HMGB3: variants seen among roughly 807,000 people sequenced by gnomAD.
HMGB3 encodes high mobility group protein B3.
Under a neutral mutation model 12.9 loss-of-function variants are expected in HMGB3, and 1 was observed. The observed-to-expected ratio is 0.08, with a 90% CI of 0.03 to 0.37. HMGB3 has a LOEUF of 0.37. Among genes scored for constraint, HMGB3 ranks in the 10% least tolerant of loss-of-function variants. The pLI is 0.99. For synonymous variants in HMGB3, 61 were observed against 53.9 expected, an observed-to-expected ratio of 1.13 and a Z score of -0.57; for missense variants, 74 against 153.3, an observed-to-expected ratio of 0.48 and a Z score of 2.73.
chrX:150,983,289 C>T, upstream of HMGB3: 6 of 755,290 alleles, frequency 7.9e-6, no homozygotes, highest in Non-Finnish European at 9.4e-6. Flanking sequence ...GCCAATCAGG[C>T]GGCTCTCGTG....
chrX:150,983,055 G>C (rs1297263062), upstream of HMGB3, among the ~76,000 whole-genome samples: 4 of 112,680 alleles, frequency 3.5e-5, no homozygotes, highest in Admixed American at 9.3e-5. Flanking sequence ...AGCCCTTGGC[G>C]ATCCCAGTTC....
chrX:150,984,587 G>A, intron 1 of HMGB3: 1 of 748,859 alleles, frequency 1.3e-6, no homozygotes, highest in Non-Finnish European at 1.6e-6. Flanking sequence ...GATTTCAGGG[G>A]CACTTTCTTT....
rs1348089381 is a variant in HMGB3, at chrX:150,989,615, C to T, written c.*1701C>T. 2 of 111,078 alleles carry T rather than the reference C, an allele frequency of 1.8e-5. No individual in the cohort carries two copies. Among genetic ancestry groups the T allele is most frequent in the African/African-American group, 6.6e-5 (2 of 30,463 alleles). 9.2% of individuals were successfully genotyped at this position (111,078 alleles called of 1,213,427 possible). The stretch of plus-strand genomic sequence containing the variant: ...CAGTAGCAAGTGGTGACACTAAATA[C>T]CATTTTGAAGGCTGATGTGTATATA... On this transcript the variant is annotated 3_prime_UTR_variant, in exon 5 of 5. Coordinates refer to ENST00000325307, the MANE Select transcript of HMGB3 (RefSeq NM_005342.4).
intron 1 of HMGB3, among the ~76,000 whole-genome samples, chrX:150,985,127 G>T (rs1462401546): frequency 9.0e-6 from 1 of 111,467 alleles, no homozygotes. Flanking sequence ...TCCTGCTTTG[G>T]TCTTGTGTTC....
intron 4 of HMGB3, among the ~76,000 whole-genome samples, 155 bp downstream of exon 4, chrX:150,987,457 C>G (rs2048064843): frequency 1.8e-5 from 2 of 110,545 alleles, no homozygotes; most frequent in Non-Finnish European, 3.8e-5. Flanking sequence ...GGTGTTCATG[C>G]TTTTTTTTGA....
chrX:150,983,299 G>C (rs1183229148), upstream of HMGB3: 1 of 754,135 alleles, frequency 1.3e-6, no homozygotes, highest in Non-Finnish European at 1.6e-6. Flanking sequence ...CGGCTCTCGT[G>C]GAGGCAGCTA....
intron 1 of HMGB3, among the ~76,000 whole-genome samples, chrX:150,984,302 C>T (rs1197544021): frequency 5.4e-5 from 5 of 92,470 alleles, no homozygotes; most frequent in Non-Finnish European, 8.9e-5. Flanking sequence ...CGGCCCGGGC[C>T]CCCGAGCCCC....
At chrX:150,986,478 C>G (rs2048052977) in intron 3 of HMGB3, among the ~76,000 whole-genome samples, 1 of 108,918 alleles carries the variant, frequency 9.2e-6, no homozygotes, top group Non-Finnish European at 1.9e-5. Flanking sequence ...TTGTCAGGGT[C>G]CTTGAAGTAT....
intron 1 of HMGB3, among the ~76,000 whole-genome samples, chrX:150,984,902 T>C (rs1175544102): frequency 8.9e-6 from 1 of 112,179 alleles, no homozygotes; most frequent in African/African-American, 3.2e-5. Flanking sequence ...GGAGAAAGTG[T>C]TCTCGGCTGG....
intron 2 of HMGB3, 117 bp from the exon 3 acceptor site, chrX:150,985,934 A>G: frequency 1.2e-6 from 1 of 868,341 alleles, no homozygotes; most frequent in African/African-American, 2.0e-5. Context: ...CACAGGTTTC[A>G]GGCCTTTACC....
intron 1 of HMGB3, among the ~76,000 whole-genome samples, chrX:150,984,852 A>G (rs781824037): frequency 8.9e-6 from 1 of 112,072 alleles, no homozygotes; most frequent in Non-Finnish European, 1.9e-5. Context: ...TGGGACAGGG[A>G]CGATGACATG....
intron 1 of HMGB3, among the ~76,000 whole-genome samples, chrX:150,983,926 C>T (rs782221375): frequency 9.5e-6 from 1 of 105,682 alleles, no homozygotes; most frequent in East Asian, 3.1e-4. Context: ...CGGGCTTGGC[C>T]CGGCGCCGCG....
rs1170831670 is a variant in HMGB3, at chrX:150,988,083, A to G, written c.*169A>G. On this transcript the variant is annotated 3_prime_UTR_variant, in exon 5 of 5. Coordinates refer to ENST00000325307, the MANE Select transcript of HMGB3 (RefSeq NM_005342.4). ...GCTCTAGAAATTGTCAGTGGTTTAC[A>G]TGAAGTGGCCATGGGTGTCTGGAGC... 19 of 603,111 alleles carry G rather than the reference A, an allele frequency of 3.2e-5. No homozygotes were observed. Among genetic ancestry groups the G allele is most frequent in the African/African-American group, 6.7e-5 (3 of 44,645 alleles). 49.7% of individuals were successfully genotyped at this position (603,111 alleles called of 1,213,427 possible). A position where few individuals can be genotyped will look rare whatever the true frequency, so the allele number is the denominator to read the frequency against.
At position 150,990,448 on chromosome X, in the gene HMGB3, A is replaced by G. The variant is rs1005944707; in HGVS notation, c.*2534A>G. 9.0e-6 allele frequency: 1 copy of G among 111,455 alleles called. No homozygotes were observed. The highest frequency in any genetic ancestry group is 1.9e-5 in the Non-Finnish European group (1 of 53,127). 9.2% of individuals were successfully genotyped at this position (111,455 alleles called of 1,213,427 possible). A position where few individuals can be genotyped will look rare whatever the true frequency, so the allele number is the denominator to read the frequency against. On this transcript the variant is annotated 3_prime_UTR_variant, in exon 5 of 5. Transcript: ENST00000325307. ...TGCTCTTCTAGTGGAATAATGCCCTAGTTTCTCTGAGATGATGTAAGTGGC... is the reference window on the plus strand; with the variant it reads ...TGCTCTTCTAGTGGAATAATGCCCTGGTTTCTCTGAGATGATGTAAGTGGC...
At position 150,988,612 on chromosome X, in the gene HMGB3, A is replaced by G. The variant is rs2048080360; in HGVS notation, c.*698A>G. 2.7e-5 allele frequency: 3 copies of G among 112,141 alleles called. No homozygotes were observed. The highest frequency in any genetic ancestry group is 9.8e-5 in the African/African-American group (3 of 30,753). 9.2% of individuals were successfully genotyped at this position (112,141 alleles called of 1,213,427 possible). A position where few individuals can be genotyped will look rare whatever the true frequency, so the allele number is the denominator to read the frequency against. On this transcript the variant is annotated 3_prime_UTR_variant, in exon 5 of 5. Coordinates refer to ENST00000325307, the MANE Select transcript of HMGB3 (RefSeq NM_005342.4). ...CTGTTTGTTTTTAAACAAACTATAG[A>G]ACTCTTCATTGTCAGCAAAGCAAAG...
chrX:150,985,571 TTC>T, intron 1 of HMGB3, 22 bp from the exon 2 acceptor site: 1 of 1,147,017 alleles, frequency 8.7e-7, no homozygotes, highest in African/African-American at 1.8e-5. Context: ...CTCATTGTAT[TTC>T]TTTGTTTCTC....
At chrX:150,984,229 A>T (rs868915643) in intron 1 of HMGB3, among the ~76,000 whole-genome samples, 24 of 91,883 alleles carry the variant, frequency 2.6e-4, no homozygotes, top group Non-Finnish European at 3.7e-4. Flanking sequence ...GCCGAGCGTC[A>T]TGGCTGCACG....
chrX:150,982,435 C>CCATT (rs781988248), upstream of HMGB3, among the ~76,000 whole-genome samples: 12 of 112,265 alleles, frequency 1.1e-4, no homozygotes, highest in Non-Finnish European at 1.9e-4. Flanking sequence ...AAGTCAAATC[C>CCATT]CATTCATTCA....
At chrX:150,984,966 C>T (rs782394746) in intron 1 of HMGB3, among the ~76,000 whole-genome samples, 1 of 111,869 alleles carries the variant, frequency 8.9e-6, no homozygotes, top group African/African-American at 3.3e-5. Flanking sequence ...TACACCCTCC[C>T]CCTTTAGATA....
Sources: allele counts gnomAD v4.1 joint callset (sites outside exome capture counted in the v4.1 genomes callset), GRCh38; gene constraint gnomAD v4.1.1; transcripts MANE v1.5; gene names NCBI Gene and HGNC (gene_info 2026-07-23, HGNC 2026-07-21).